Variants in SMARCB1 observed in about 807,000 individuals in gnomAD.
SMARCB1 encodes the protein SWI/SNF related BAF chromatin remodeling complex subunit B1.
SMARCB1 carries 5 observed loss-of-function variants against 49.0 expected under a neutral mutation model. That is an observed-to-expected ratio of 0.10 (90% confidence interval 0.05 to 0.21). The LOEUF (loss-of-function observed/expected upper bound fraction) is 0.21, where lower values mean the gene tolerates loss of function less well. Ranked by LOEUF, SMARCB1 falls within the 10% of genes least tolerant of loss-of-function variation. The pLI, the probability that SMARCB1 is intolerant of heterozygous loss-of-function variation, is 1.00. For synonymous variants in SMARCB1, 201 were observed against 200.1 expected (o/e 1.00, Z -0.04); for missense variants, 226 against 509.2 (o/e 0.44, Z 5.35).
intron 6 of SMARCB1, among the ~76,000 whole-genome samples, chr22:23,819,166 G>A (rs1168291307): frequency 6.6e-6 from 1 of 151,948 alleles, no homozygotes; most frequent in Admixed American, 6.6e-5. Context: ...TTCTTATTAA[G>A]GCTAAATAAT....
chr22:23,802,558 G>C (rs1251559800), intron 4 of SMARCB1: 2 of 158,690 alleles, frequency 1.3e-5, no homozygotes, highest in African/African-American at 4.8e-5. Context: ...TTCCCTGTCT[G>C]TTTCCCAGCG....
Position 23,836,865 on chromosome 22 carries a change from G to A in SMARCB1, c.*2685G>A, listed in dbSNP as rs183685204. 2.0e-5 allele frequency: 29 copies of A among 1,459,306 alleles called. No individual in the cohort carries two copies. The African/African-American group carries it at 2.4e-4, about 12-fold the overall frequency. The allele number at this position is 1,459,306 out of a possible 1,614,324, so 90.4% of individuals were successfully genotyped here. ...AGCCTCTTAGGCCTGGCCCTGGGTG[G>A]GGGTCACTGCTGCGGGGGTGGCAGA... On this transcript the variant is annotated 3_prime_UTR_variant, in exon 9 of 9. Transcript: ENST00000644036.
At chr22:23,809,975 C>T (rs1324523488) in intron 5 of SMARCB1, among the ~76,000 whole-genome samples, 1 of 150,490 alleles carries the variant, frequency 6.6e-6, no homozygotes, top group African/African-American at 2.4e-5. Flanking sequence ...TGGAGGCCAG[C>T]CTGACCAACA....
At chr22:23,792,387 C>T (rs768795617) in intron 2 of SMARCB1, 27 of 289,444 alleles carry the variant, frequency 9.3e-5, no homozygotes, top group Admixed American at 1.4e-4. Context: ...TGGTGGCCTG[C>T]GTGTGCCTGG....
Position 23,834,249 on chromosome 22 carries a change from G to A in SMARCB1, c.*69G>A, listed in dbSNP as rs2146046072. The A allele has an allele frequency of 6.7e-7, 1 of 1,501,474 alleles. No individual in the cohort carries two copies. The highest frequency in any genetic ancestry group is 1.2e-5 in the South Asian group (1 of 83,276). The allele number at this position is 1,501,474 out of a possible 1,614,324, so 93.0% of individuals were successfully genotyped here. A position where few individuals can be genotyped will look rare whatever the true frequency, so the allele number is the denominator to read the frequency against. The stretch of plus-strand genomic sequence containing the variant: ...TGGGCCGCCTCTCCTCCATCTTCTG[G>A]CAAGGACAGAGGCGAGGGGACAGCC... On this transcript the variant is annotated 3_prime_UTR_variant, in exon 9 of 9. Coordinates refer to ENST00000644036, the MANE Select transcript of SMARCB1 (RefSeq NM_003073.5).
At chr22:23,829,737 G>A (rs6003899) in intron 7 of SMARCB1, among the ~76,000 whole-genome samples, 6 of 152,048 alleles carry the variant, frequency 3.9e-5, no homozygotes, top group Admixed American at 1.3e-4. Context: ...AGCGGTTTTT[G>A]ATATATGCAG....
chr22:23,805,324 A>G (rs1251650008), intron 5 of SMARCB1, among the ~76,000 whole-genome samples: 1 of 152,180 alleles, frequency 6.6e-6, no homozygotes, highest in East Asian at 1.9e-4. Context: ...TTCACTGGTC[A>G]TGCCCCAGAA....
chr22:23,826,567 T>C (rs766799611), intron 7 of SMARCB1, among the ~76,000 whole-genome samples: 2 of 152,276 alleles, frequency 1.3e-5, no homozygotes, highest in Admixed American at 1.3e-4. Flanking sequence ...CAAAACAGGA[T>C]GTTCAGATTT....
chr22:23,790,189 G>T (rs918881051), intron 1 of SMARCB1, among the ~76,000 whole-genome samples: 2 of 152,142 alleles, frequency 1.3e-5, no homozygotes, highest in Admixed American at 1.3e-4. Flanking sequence ...GGCCTGCAAG[G>T]TAGTCATAGG....
chr22:23,829,647 G>C (rs935729594), intron 7 of SMARCB1, among the ~76,000 whole-genome samples: 1 of 152,230 alleles, frequency 6.6e-6, no homozygotes, highest in African/African-American at 2.4e-5. Context: ...CCTGATGTCA[G>C]GTTTTGTTTG....
intron 5 of SMARCB1, among the ~76,000 whole-genome samples, chr22:23,812,134 T>G (rs1929906177): frequency 6.6e-6 from 1 of 152,070 alleles, no homozygotes. Flanking sequence ...CCTATAACTA[T>G]TAAGGAAACA....
intron 5 of SMARCB1, among the ~76,000 whole-genome samples, chr22:23,805,570 A>ACAG (rs1453759310): frequency 1.3e-5 from 2 of 151,956 alleles, no homozygotes; most frequent in Admixed American, 6.5e-5. Context: ...CAATGGCGTG[A>ACAG]TCTCAGCTCA....
At position 23,825,106 on chromosome 22, in the gene SMARCB1, A is replaced by C. The variant is rs926593980; in HGVS notation, c.796-119A>C. The C allele has an allele frequency of 3.8e-6, 3 of 786,764 alleles. No individual in the cohort carries two copies. In the African/African-American group the frequency reaches 5.1e-5, roughly 13 times the overall value. 48.7% of individuals were successfully genotyped at this position (786,764 alleles called of 1,614,324 possible). A position where few individuals can be genotyped will look rare whatever the true frequency, so the allele number is the denominator to read the frequency against. On this transcript the variant is annotated intron_variant, in intron 6 of 8. Coordinates refer to ENST00000644036, the MANE Select transcript of SMARCB1 (RefSeq NM_003073.5). ...AACTGGAAGGACAAGGACCACCTGC[A>C]GTTCTCAGCTGGTGGACCCTGGTGG...
intron 8 of SMARCB1, 141 bp from the exon 9 acceptor site, chr22:23,834,000 G>C (rs2030820345): frequency 1.1e-6 from 1 of 917,502 alleles, no homozygotes; most frequent in Non-Finnish European, 1.7e-6. Context: ...GCTGAGAGAA[G>C]GCTGGGTCTG....
At chr22:23,820,523 G>A (rs1019785774) in intron 6 of SMARCB1, among the ~76,000 whole-genome samples, 5 of 152,338 alleles carry the variant, frequency 3.3e-5, no homozygotes, top group South Asian at 2.1e-4. Context: ...GCAGTGAGCC[G>A]AGATGGTGCC....
chr22:23,830,669 T>G (rs1452793223), intron 7 of SMARCB1, among the ~76,000 whole-genome samples: 1 of 81,032 alleles, frequency 1.2e-5, no homozygotes, highest in Non-Finnish European at 3.1e-5. Flanking sequence ...TTTTTTTTTT[T>G]TTTTTTTTTT....
chr22:23,834,013 C>T (rs2030821538), intron 8 of SMARCB1, 128 bp from the exon 9 acceptor site: 1 of 1,037,054 alleles, frequency 9.6e-7, no homozygotes, highest in African/African-American at 1.6e-5. Flanking sequence ...TGGGTCTGAC[C>T]CTGCTGGGGG....
intron 3 of SMARCB1, among the ~76,000 whole-genome samples, chr22:23,800,737 A>G (rs961491419): frequency 6.6e-6 from 1 of 152,100 alleles, no homozygotes; most frequent in African/African-American, 2.4e-5. Flanking sequence ...TGGTGCCCCT[A>G]CGTACCCTTG....
At chr22:23,800,504 TC>T (rs918576498) in intron 3 of SMARCB1, among the ~76,000 whole-genome samples, 7 of 151,934 alleles carry the variant, frequency 4.6e-5, no homozygotes, top group African/African-American at 1.5e-4. Flanking sequence ...CTGTGATCGG[TC>T]CCCTCCCTGG....
Sources: allele counts gnomAD v4.1 joint callset (sites outside exome capture counted in the v4.1 genomes callset), GRCh38; gene constraint gnomAD v4.1.1; transcripts MANE v1.5; gene names NCBI Gene and HGNC (gene_info 2026-07-23, HGNC 2026-07-21).